The following CACNA2D3 variants were observed in gnomAD, a reference collection of about 807,000 sequenced individuals.
The protein encoded by CACNA2D3 is calcium voltage-gated channel auxiliary subunit alpha2delta 3.
Under a neutral mutation model 160.6 loss-of-function variants are expected in CACNA2D3, and 60 were observed. That is an observed-to-expected ratio of 0.37 (90% confidence interval 0.30 to 0.46). The LOEUF (loss-of-function observed/expected upper bound fraction) is 0.46. CACNA2D3 is among the 20% of genes least tolerant of loss of function. CACNA2D3 has a pLI of 1.00. For missense variants in CACNA2D3, 1,205 were observed against 1,365.0 expected, an observed-to-expected ratio of 0.88 and a Z score of 1.85; for synonymous variants, 558 against 492.9, an observed-to-expected ratio of 1.13 and a Z score of -1.75.
chr3:54,442,152 C>T (rs1455649791), intron 4 of CACNA2D3, among the ~76,000 whole-genome samples: 1 of 152,104 alleles, frequency 6.6e-6, no homozygotes, highest in Non-Finnish European at 1.5e-5. Flanking sequence ...GTGGCTATAT[C>T]TAGTGGTCTC....
intron 4 of CACNA2D3, among the ~76,000 whole-genome samples, chr3:54,465,823 G>C (rs1700613576): frequency 1.3e-5 from 2 of 152,290 alleles, no homozygotes; most frequent in South Asian, 4.2e-4. Context: ...GTCTGGGTGG[G>C]CTTGGCTGAT....
intron 4 of CACNA2D3, among the ~76,000 whole-genome samples, chr3:54,459,210 T>C (rs1393631019): frequency 1.3e-5 from 2 of 152,052 alleles, no homozygotes; most frequent in African/African-American, 2.4e-5. Flanking sequence ...TTTGCTATTG[T>C]GGATAGTGCT....
chr3:55,011,751 C>T (rs1703216008), intron 34 of CACNA2D3, among the ~76,000 whole-genome samples: 1 of 152,034 alleles, frequency 6.6e-6, no homozygotes, highest in Non-Finnish European at 1.5e-5. Flanking sequence ...AGAAGACTAT[C>T]ATGTCCCCGA....
At chr3:54,556,921 C>T (rs532469615) in intron 5 of CACNA2D3, among the ~76,000 whole-genome samples, 2 of 152,270 alleles carry the variant, frequency 1.3e-5, no homozygotes, top group Admixed American at 6.5e-5. Context: ...CATTTACTGT[C>T]CCGTGGGTTA....
intron 2 of CACNA2D3, among the ~76,000 whole-genome samples, chr3:54,246,862 A>G (rs1469529587): frequency 6.6e-6 from 1 of 152,224 alleles, no homozygotes; most frequent in East Asian, 1.9e-4. Flanking sequence ...TTTGTTCCTA[A>G]ATGTTTAGGA....
intron 2 of CACNA2D3, among the ~76,000 whole-genome samples, chr3:54,211,466 A>C (rs1376244469): frequency 2.6e-5 from 4 of 152,176 alleles, no homozygotes; most frequent in Admixed American, 2.6e-4. Flanking sequence ...GTGAAAATGT[A>C]GGGATAAAGG....
chr3:54,600,712 T>C (rs1200955126), intron 9 of CACNA2D3, among the ~76,000 whole-genome samples: 1 of 152,146 alleles, frequency 6.6e-6, no homozygotes, highest in African/African-American at 2.4e-5. Context: ...GTACTTGTTT[T>C]TGGCTTTTCT....
Position 54,978,362 on chromosome 3 carries a change from C to T in CACNA2D3, c.2557-6246C>T, listed in dbSNP as rs906396979. Among the ~76,000 whole-genome samples, 6 of 152,278 alleles carry T rather than the reference C, an allele frequency of 3.9e-5. 1 individual carries two copies. In the South Asian group the frequency reaches 1.2e-3, roughly 32 times the overall value. On this transcript the variant is annotated intron_variant, in intron 29 of 37. Transcript: ENST00000474759. ...AGGGATAAAGATGCATCTTCTGTAA[C>T]TTCTTCAAGCTGATAGGGGCAATGC... is the stretch of plus-strand genomic sequence containing the variant.
intron 13 of CACNA2D3, among the ~76,000 whole-genome samples, chr3:54,787,714 G>C (rs1380986729): frequency 6.6e-6 from 1 of 152,122 alleles, no homozygotes; most frequent in Non-Finnish European, 1.5e-5. Context: ...AGGTAAATAG[G>C]GAAGACAAAT....
At chr3:55,020,946 G>A (rs1013136746) in intron 35 of CACNA2D3, among the ~76,000 whole-genome samples, 1 of 151,972 alleles carries the variant, frequency 6.6e-6, no homozygotes, top group Non-Finnish European at 1.5e-5. Flanking sequence ...GGAGAGTGGC[G>A]ATACTTTTTC....
chr3:54,373,816 T>C (rs529333782), intron 3 of CACNA2D3, among the ~76,000 whole-genome samples: 16 of 152,214 alleles, frequency 1.1e-4, no homozygotes, highest in Non-Finnish European at 2.1e-4. Context: ...TTCATTGCTA[T>C]GAGCATGTTT....
rs879414759 is a variant in CACNA2D3, at chr3:54,282,851, GT to G, written c.205-37580del. 8.3e-3 allele frequency among the ~76,000 whole-genome samples: 1,161 copies of G among 139,666 alleles called. 7 individuals are homozygous for G. The highest frequency in any genetic ancestry group is 0.01 in the African/African-American group (383 of 37,878). The allele number at this position is 139,666 out of a possible 152,430, so 91.6% of individuals were successfully genotyped here. ...AACATACACTTTTAGTTTTCGCTTT[GT>G]TTTTTTTTTTGTCATCAAATACAGT... On this transcript the variant is annotated intron_variant, in intron 2 of 37. Transcript: ENST00000474759.
At chr3:54,927,904 C>G in intron 27 of CACNA2D3, 1 of 1,613,726 alleles carries the variant, frequency 6.2e-7, no homozygotes, top group South Asian at 1.1e-5. Flanking sequence ...TCAGGGCTCA[C>G]CTTTCATGAC....
At chr3:54,979,208 C>A (rs1289293089) in intron 29 of CACNA2D3, among the ~76,000 whole-genome samples, 3 of 152,120 alleles carry the variant, frequency 2.0e-5, no homozygotes, top group African/African-American at 7.2e-5. Context: ...TCTTTACTTA[C>A]CACAGGTCAG....
chr3:54,926,435 C>T (rs113522758), intron 27 of CACNA2D3, among the ~76,000 whole-genome samples: 31 of 151,286 alleles, frequency 2.0e-4, no homozygotes, highest in African/African-American at 7.3e-4. Flanking sequence ...TTCTTATCTA[C>T]TGTGCTCCAC....
At chr3:54,499,921 G>C (rs1183399216) in intron 4 of CACNA2D3, among the ~76,000 whole-genome samples, 1 of 152,072 alleles carries the variant, frequency 6.6e-6, no homozygotes, top group Non-Finnish European at 1.5e-5. Context: ...TGATGGTATT[G>C]TTCATTTCAA....
At chr3:54,910,638 A>G (rs1023570133) in intron 27 of CACNA2D3, among the ~76,000 whole-genome samples, 1 of 151,898 alleles carries the variant, frequency 6.6e-6, no homozygotes, top group African/African-American at 2.4e-5. Flanking sequence ...CTGTGCTCCT[A>G]TTTACTCTCA....
At chr3:54,370,221 G>A (rs1285634971) in intron 3 of CACNA2D3, among the ~76,000 whole-genome samples, 2 of 152,052 alleles carry the variant, frequency 1.3e-5, no homozygotes, top group Admixed American at 6.5e-5. Context: ...TTTTAGCTTC[G>A]GATTGAGCTA....
intron 2 of CACNA2D3, among the ~76,000 whole-genome samples, chr3:54,170,189 C>CA (rs1304301578): frequency 0.21 from 15,053 of 73,046 alleles, 1,661 homozygotes; most frequent in African/African-American, 0.39. Context: ...GCCTCCATCT[C>CA]AAAAAAAAAA....
Sources: allele counts gnomAD v4.1 joint callset (sites outside exome capture counted in the v4.1 genomes callset), GRCh38; gene constraint gnomAD v4.1.1; transcripts MANE v1.5; gene names NCBI Gene and HGNC (gene_info 2026-07-23, HGNC 2026-07-21).